Variants in SEPTIN10 observed in about 807,000 individuals in gnomAD.
The protein encoded by SEPTIN10 is septin-10.
SEPTIN10 carries 66 observed loss-of-function variants against 54.8 expected under a neutral mutation model. The ratio of observed to expected loss-of-function variants is 1.21; its 90% CI spans 0.99 to 1.48. SEPTIN10 has a LOEUF of 1.48. Ranked by LOEUF, SEPTIN10 falls within the 40% of genes most tolerant of loss-of-function variation. SEPTIN10 has a pLI of 0.00. For missense variants in SEPTIN10, 620 were observed against 545.6 expected, an observed-to-expected ratio of 1.14 and a Z score of -1.36; for synonymous variants, 161 against 181.0, an observed-to-expected ratio of 0.89 and a Z score of 0.89.
chr2:109,567,331 AT>A (rs1392793682), intron 6 of SEPTIN10, among the ~76,000 whole-genome samples: 1 of 152,224 alleles, frequency 6.6e-6, no homozygotes, highest in African/African-American at 2.4e-5. Flanking sequence ...AGAAAGTAAA[AT>A]TAAGAACTTA....
Position 109,613,868 on chromosome 2 carries a change from G to A in SEPTIN10, c.-41C>T, listed in dbSNP as rs1467260775. On this transcript the variant is annotated 5_prime_UTR_variant, in exon 1 of 11. Coordinates refer to ENST00000397712, the MANE Select transcript of SEPTIN10 (RefSeq NM_144710.5). ...CACGGTGAAGCGGCTGTATCAGCCC[G>A]GCCCCGAGCGGCTGGTCCCGGCGAC... 8.1e-7 allele frequency: 1 copy of A among 1,230,982 alleles called. No homozygotes were observed. The highest frequency in any genetic ancestry group is 1.0e-6 in the Non-Finnish European group (1 of 987,852). The allele number at this position is 1,230,982 out of a possible 1,614,324, so 76.3% of individuals were successfully genotyped here. A position where few individuals can be genotyped will look rare whatever the true frequency, so the allele number is the denominator to read the frequency against.
chr2:109,544,893 A>G (rs1680794435), intron 10 of SEPTIN10: 1 of 927,378 alleles, frequency 1.1e-6, no homozygotes, highest in Non-Finnish European at 1.3e-6. Flanking sequence ...GCTTGCATTG[A>G]AAGATCATAC....
intron 9 of SEPTIN10, among the ~76,000 whole-genome samples, chr2:109,552,345 T>C (rs1242953363): frequency 6.6e-6 from 1 of 152,150 alleles, no homozygotes; most frequent in African/African-American, 2.4e-5. Context: ...CAGATATCCA[T>C]TTCAGGGCAA....
intron 9 of SEPTIN10, among the ~76,000 whole-genome samples, chr2:109,550,050 G>C (rs1682489813): frequency 6.6e-6 from 1 of 151,734 alleles, no homozygotes; most frequent in African/African-American, 2.4e-5. Flanking sequence ...TTTTTCTTTG[G>C]GAGGCCGAGG....
At chr2:109,588,806 T>C (rs751138722) in intron 2 of SEPTIN10, among the ~76,000 whole-genome samples, 1 of 150,896 alleles carries the variant, frequency 6.6e-6, no homozygotes, top group South Asian at 2.1e-4. Context: ...ATTATATTAT[T>C]TGAAGGTTGG....
intron 1 of SEPTIN10, among the ~76,000 whole-genome samples, chr2:109,599,856 A>G (rs1206515453): frequency 6.6e-6 from 1 of 152,240 alleles, no homozygotes; most frequent in African/African-American, 2.4e-5. Context: ...TAGAAAAAAT[A>G]TCATTTCTAA....
At chr2:109,608,126 T>C (rs1698422117) in intron 1 of SEPTIN10, among the ~76,000 whole-genome samples, 1 of 152,248 alleles carries the variant, frequency 6.6e-6, no homozygotes, top group South Asian at 2.1e-4. Flanking sequence ...AAGCAGCTTT[T>C]TATTTTAATT....
chr2:109,601,731 A>G (rs1269349645), intron 1 of SEPTIN10, among the ~76,000 whole-genome samples: 2 of 151,968 alleles, frequency 1.3e-5, no homozygotes, highest in South Asian at 2.1e-4. Context: ...TTCCTTAAAT[A>G]TAAAGCTCAA....
At position 109,583,650 on chromosome 2, in the gene SEPTIN10, G is replaced by A. The variant is rs1409562653; in HGVS notation, c.413+1476C>T. Among the ~76,000 whole-genome samples the A allele has an allele frequency of 3.3e-5, 5 of 152,192 alleles. No homozygotes were observed. The South Asian group carries it at 1.0e-3, about 32-fold the overall frequency. On this transcript the variant is annotated intron_variant, in intron 4 of 10. Coordinates refer to ENST00000397712, the MANE Select transcript of SEPTIN10 (RefSeq NM_144710.5). ...ATTCCAACTTGGAATATATCCAAAA[G>A]AAAATACCTCATTCTACCAAAAAGA...
chr2:109,546,304 G>A (rs1681226414), intron 9 of SEPTIN10, 67 bp from the exon 10 acceptor site: 1 of 1,068,952 alleles, frequency 9.4e-7, no homozygotes, highest in South Asian at 1.9e-5. Flanking sequence ...CTCCAGCTCA[G>A]CAACACAAAG....
rs192464207 is a variant in SEPTIN10, at chr2:109,565,803, C to A, written c.819G>T (p.Lys273Asn). Residue 273 changes from lysine to asparagine, a missense_variant, in exon 7 of 11, where the codon AAG becomes AAT. Physicochemically the swap from Lys to Asn is moderately conservative, Grantham distance 94. Coordinates refer to ENST00000397712, the MANE Select transcript of SEPTIN10 (RefSeq NM_144710.5). The part of the protein sequence containing the change: ...GSMDEVKVGN[K>N]MVKARQYPWG... Reference sequence around the variant, plus strand: ...AAGGGTACTGGCGAGCTTTGACCATCTTGTTTCCGACTTTTACCTCATCCA... The same window carrying A: ...AAGGGTACTGGCGAGCTTTGACCATATTGTTTCCGACTTTTACCTCATCCA... 6.2e-7 allele frequency: 1 copy of A among 1,613,990 alleles called. No homozygotes were observed. Among genetic ancestry groups the A allele is most frequent in the Non-Finnish European group, 8.5e-7 (1 of 1,179,996 alleles).
intron 6 of SEPTIN10, 74 bp downstream of exon 6, chr2:109,567,741 G>T: frequency 1.5e-6 from 2 of 1,363,918 alleles, no homozygotes; most frequent in Non-Finnish European, 2.0e-6. Context: ...AAGTGTATTA[G>T]CAGCAATATT....
intron 2 of SEPTIN10, among the ~76,000 whole-genome samples, chr2:109,589,400 T>TG (rs1693420797): frequency 6.6e-6 from 1 of 151,936 alleles, no homozygotes; most frequent in African/African-American, 2.4e-5. Context: ...GGCATGGTGG[T>TG]GCATGCCTGT....
At chr2:109,610,220 T>G (rs1297407124) in intron 1 of SEPTIN10, among the ~76,000 whole-genome samples, 1 of 151,870 alleles carries the variant, frequency 6.6e-6, no homozygotes, top group Non-Finnish European at 1.5e-5. Flanking sequence ...TCCCAAGTAG[T>G]TGGGACTACA....
intron 8 of SEPTIN10, among the ~76,000 whole-genome samples, chr2:109,560,704 G>T (rs1685464831): frequency 6.6e-6 from 1 of 152,086 alleles, no homozygotes; most frequent in African/African-American, 2.4e-5. Context: ...GCCTACCACT[G>T]CTGCCTCACA....
At chr2:109,550,834 C>T (rs868483864) in intron 9 of SEPTIN10, among the ~76,000 whole-genome samples, 2 of 152,166 alleles carry the variant, frequency 1.3e-5, no homozygotes, top group Non-Finnish European at 2.9e-5. Flanking sequence ...TCCTGTTCTC[C>T]TCATGTTCAT....
intron 7 of SEPTIN10, among the ~76,000 whole-genome samples, chr2:109,565,170 A>C (rs1489983268): frequency 6.6e-6 from 1 of 152,166 alleles, no homozygotes; most frequent in Non-Finnish European, 1.5e-5. Flanking sequence ...TAAAAATGTT[A>C]TATTTTCTCA....
chr2:109,565,676 C>A, intron 7 of SEPTIN10, 87 bp downstream of exon 7: 1 of 1,161,790 alleles, frequency 8.6e-7, no homozygotes, highest in Non-Finnish European at 1.3e-6. Context: ...CACATCCAAA[C>A]TAAGCATCAC....
In SEPTIN10 at chr2:109,550,741, T is replaced by C. The variant is rs565248921; in HGVS notation, c.1161+2346A>G. On this transcript the variant is annotated intron_variant, in intron 9 of 10. Transcript: ENST00000397712. ...TGCCTAGAAGTTAGAGCCCAGTCTTTGTGTTCACTTAAAAATTCCCTCAAC... is the reference window on the plus strand; with the variant it reads ...TGCCTAGAAGTTAGAGCCCAGTCTTCGTGTTCACTTAAAAATTCCCTCAAC... Among the ~76,000 whole-genome samples, 129 of 152,348 alleles carry C rather than the reference T, an allele frequency of 8.5e-4. 1 individual carries two copies. The highest frequency in any genetic ancestry group is 2.9e-3 in the African/African-American group (122 of 41,578).
Sources: gnomAD v4.1 joint callset for allele counts (sites outside exome capture counted in the v4.1 genomes callset) on GRCh38, gnomAD v4.1.1 for gene constraint, MANE v1.5 for transcripts, NCBI Gene and HGNC (gene_info 2026-07-23, HGNC 2026-07-21) for gene names.